The following MARCHF10 variants were observed in gnomAD, a reference collection of about 807,000 sequenced individuals.
MARCHF10 encodes the protein membrane associated ring-CH-type finger 10, also known as probable E3 ubiquitin-protein ligase MARCHF10.
A neutral mutation model predicts 76.2 loss-of-function variants in MARCHF10; 64 were observed. That is an observed-to-expected ratio of 0.84 (90% CI 0.69 to 1.03). MARCHF10 has a LOEUF of 1.03. MARCHF10 is among the 50% of genes least tolerant of loss of function. MARCHF10 has a pLI of 0.00. For synonymous variants in MARCHF10, 340 were observed against 357.5 expected, an observed-to-expected ratio of 0.95 and a Z score of 0.55; for missense variants, 875 against 958.0, an observed-to-expected ratio of 0.91 and a Z score of 1.14.
chr17:62,777,724 AAAAG>A (rs1455160371), intron 3 of MARCHF10, among the ~76,000 whole-genome samples: 6 of 150,246 alleles, frequency 4.0e-5, no homozygotes, highest in Admixed American at 6.6e-5. Context: ...AAAAAAAAAA[AAAAG>A]AAAAAAAAAA....
At chr17:62,774,616 T>C (rs1223093550) in intron 3 of MARCHF10, among the ~76,000 whole-genome samples, 4 of 152,082 alleles carry the variant, frequency 2.6e-5, no homozygotes, top group Admixed American at 2.6e-4. Context: ...GCAGGGAGGA[T>C]GCACTGCTCA....
chr17:62,705,231 C>G, intron 10 of MARCHF10: 1 of 1,321,948 alleles, frequency 7.6e-7, no homozygotes, highest in South Asian at 1.6e-5. Flanking sequence ...AAGTGCTGGA[C>G]GCTGGAGAAT....
Position 62,736,605 on chromosome 17 carries a change from C to A in MARCHF10, c.1263G>T (p.Trp421Cys). Residue 421 changes from tryptophan to cysteine, a missense_variant, in exon 6 of 11, where the codon TGG becomes TGT. Physicochemically the swap from Trp to Cys is radical, Grantham distance 215. Coordinates refer to ENST00000311269, the MANE Select transcript of MARCHF10 (RefSeq NM_152598.4). ...TATGTTCCACAGAAATACAATCACT[C>A]CATACATTTTCAGCATTGACACCAA... ...QEVGVNAENV[W>C]SDCISVEHRP... 1 of 1,614,174 alleles carries A rather than the reference C, an allele frequency of 6.2e-7. No individual in the cohort carries two copies. The highest frequency in any genetic ancestry group is 8.5e-7 in the Non-Finnish European group (1 of 1,180,014).
At chr17:62,785,385 T>A (rs2148100107) in intron 3 of MARCHF10, among the ~76,000 whole-genome samples, 1 of 152,300 alleles carries the variant, frequency 6.6e-6, no homozygotes, top group South Asian at 2.1e-4. Flanking sequence ...TCAAGATGGA[T>A]TAAAGACTAA....
intron 3 of MARCHF10, among the ~76,000 whole-genome samples, chr17:62,771,097 C>T (rs2148011625): frequency 6.6e-6 from 1 of 152,134 alleles, no homozygotes; most frequent in East Asian, 1.9e-4. Flanking sequence ...CCTCATGATC[C>T]AGCCGCCCAA....
chr17:62,749,083 G>A (rs2091808088), intron 4 of MARCHF10, among the ~76,000 whole-genome samples: 1 of 152,154 alleles, frequency 6.6e-6, no homozygotes, highest in African/African-American at 2.4e-5. Flanking sequence ...ATCTGAGAAA[G>A]GTGATGCCTC....
intron 9 of MARCHF10, among the ~76,000 whole-genome samples, chr17:62,708,466 G>C (rs546663621): frequency 6.6e-6 from 1 of 152,146 alleles, no homozygotes; most frequent in Admixed American, 6.5e-5. Context: ...GGATGGTCTC[G>C]ATCTCCTGAC....
chr17:62,759,190 T>C (rs1160633421), intron 4 of MARCHF10, among the ~76,000 whole-genome samples: 2 of 152,244 alleles, frequency 1.3e-5, no homozygotes, highest in South Asian at 4.1e-4. Context: ...CTTCTCTTTA[T>C]GCTCTTGCTT....
chr17:62,760,386 A>G (rs2092166564), intron 3 of MARCHF10, among the ~76,000 whole-genome samples: 1 of 152,226 alleles, frequency 6.6e-6, no homozygotes, highest in African/African-American at 2.4e-5. Context: ...AGAAGAAAAA[A>G]TGTTCCTTAT....
chr17:62,727,498 G>T (rs2090819241), intron 6 of MARCHF10, among the ~76,000 whole-genome samples: 1 of 150,968 alleles, frequency 6.6e-6, no homozygotes, highest in African/African-American at 2.5e-5. Context: ...GCGAGACCTT[G>T]TCTCAAAAAA....
At chr17:62,726,900 G>T (rs2090783010) in intron 6 of MARCHF10, among the ~76,000 whole-genome samples, 1 of 152,174 alleles carries the variant, frequency 6.6e-6, no homozygotes, top group Non-Finnish European at 1.5e-5. Flanking sequence ...AAAGTGCTGG[G>T]ATTACAGGTG....
intron 4 of MARCHF10, among the ~76,000 whole-genome samples, chr17:62,758,272 C>T (rs982147738): frequency 2.6e-5 from 4 of 151,898 alleles, no homozygotes; most frequent in African/African-American, 7.3e-5. Flanking sequence ...TCGCTTGAAC[C>T]GGGGAGGCGG....
At chr17:62,748,582 G>C (rs532282994) in intron 4 of MARCHF10, among the ~76,000 whole-genome samples, 1 of 151,896 alleles carries the variant, frequency 6.6e-6, no homozygotes, top group Non-Finnish European at 1.5e-5. Flanking sequence ...TACAAAAAAA[G>C]AAATAAAAAA....
At chr17:62,723,384 G>C (rs550313413) in intron 7 of MARCHF10, among the ~76,000 whole-genome samples, 18 of 151,500 alleles carry the variant, frequency 1.2e-4, no homozygotes, top group African/African-American at 4.4e-4. Context: ...TTATGCATTA[G>C]AAAATAAAAG....
intron 8 of MARCHF10, among the ~76,000 whole-genome samples, chr17:62,716,051 G>A (rs1438040474): frequency 6.6e-5 from 10 of 152,222 alleles, no homozygotes; most frequent in Middle Eastern, 3.4e-3. Context: ...TAGAAGGCCC[G>A]CTCCTCTCTT....
chr17:62,788,410 C>T, intron 3 of MARCHF10, 70 bp downstream of exon 3: 1 of 1,584,674 alleles, frequency 6.3e-7, no homozygotes. Context: ...CTACATCACA[C>T]ACACACACAC....
intron 3 of MARCHF10, among the ~76,000 whole-genome samples, chr17:62,785,619 T>C (rs1204668846): frequency 6.6e-6 from 1 of 152,108 alleles, no homozygotes; most frequent in African/African-American, 2.4e-5. Context: ...ATTTTTGCAA[T>C]CTACCCATCT....
intron 4 of MARCHF10, among the ~76,000 whole-genome samples, chr17:62,758,139 G>A (rs2092098426): frequency 6.6e-6 from 1 of 152,158 alleles, no homozygotes; most frequent in Non-Finnish European, 1.5e-5. Context: ...GGTGGCTCAC[G>A]CCTGTAATCC....
At position 62,736,749 on chromosome 17, in the gene MARCHF10, C is replaced by T. The variant is rs1226671956; in HGVS notation, c.1119G>A (p.Leu373=). 2 of 1,614,206 alleles carry T rather than the reference C, an allele frequency of 1.2e-6. No homozygotes were observed. The highest frequency in any genetic ancestry group is 1.1e-5 in the South Asian group (1 of 91,082). The change falls in exon 6 of 11, where the codon TTG becomes TTA. Residue 373 remains leucine, a synonymous_variant. Coordinates refer to ENST00000311269, the MANE Select transcript of MARCHF10 (RefSeq NM_152598.4). ...TATCAGGCAGCCCGGGGTCTTGGGA[C>T]AACCTTTGCCCAGCAGAAGGCCGCT... ...ATERPSAGQR[L]SQDPGLPDRE...
Sources: gnomAD v4.1 joint callset for allele counts (sites outside exome capture counted in the v4.1 genomes callset) on GRCh38, gnomAD v4.1.1 for gene constraint, MANE v1.5 for transcripts, NCBI Gene and HGNC (gene_info 2026-07-23, HGNC 2026-07-21) for gene names.